LIPA: variants seen among roughly 807,000 people sequenced by gnomAD.
LIPA encodes the protein lipase A, lysosomal acid type, also known as lysosomal acid lipase/cholesteryl ester hydrolase.
Under a neutral mutation model 40.6 loss-of-function variants are expected in LIPA, and 26 were observed. The observed-to-expected ratio is 0.64, with a 90% CI of 0.47 to 0.89. The LOEUF (loss-of-function observed/expected upper bound fraction) is 0.89. Ranked by LOEUF, LIPA falls within the 40% of genes least tolerant of loss-of-function variation. LIPA has a pLI of 0.00. For synonymous variants in LIPA, 188 were observed against 168.4 expected (o/e 1.12, Z -0.90); for missense variants, 455 against 479.6 (o/e 0.95, Z 0.48).
chr10:89,317,200 C>T (rs998043322), intron 1 of LIPA, among the ~76,000 whole-genome samples: 1 of 152,214 alleles, frequency 6.6e-6, no homozygotes, highest in African/African-American at 2.4e-5. Context: ...TGGAACAAAG[C>T]TGGACGGAGA....
chr10:89,348,789 C>T (rs929100396), intron 2 of LIPA, among the ~76,000 whole-genome samples: 7 of 152,176 alleles, frequency 4.6e-5, no homozygotes, highest in African/African-American at 1.7e-4. Context: ...TGAGATTTTC[C>T]TTTATTTCCA....
intron 2 of LIPA, among the ~76,000 whole-genome samples, chr10:89,401,755 G>A (rs1018620387): frequency 2.3e-4 from 34 of 149,606 alleles, no homozygotes; most frequent in African/African-American, 7.2e-4. Context: ...GCAACTTTCC[G>A]TGAATCTGTA....
chr10:89,383,668 G>A, intron 2 of LIPA: 1 of 1,614,244 alleles, frequency 6.2e-7, no homozygotes, highest in Non-Finnish European at 8.5e-7. Flanking sequence ...GACTTACCTG[G>A]ACAAGGTGGA....
intron 1 of LIPA, among the ~76,000 whole-genome samples, chr10:89,333,741 T>C (rs1843686544): frequency 6.6e-6 from 1 of 152,200 alleles, no homozygotes; most frequent in Admixed American, 6.5e-5. Flanking sequence ...AAACTGGTGA[T>C]TGGAAATCAC....
At chr10:89,373,334 C>CAAAAAAAAAA (rs34479360) in intron 2 of LIPA, among the ~76,000 whole-genome samples, 2 of 63,164 alleles carry the variant, frequency 3.2e-5, no homozygotes, top group East Asian at 4.1e-4. Context: ...GACTCCCTCT[C>CAAAAAAAAAA]AAAAAAAAAA....
At chr10:89,339,164 C>T in intron 1 of LIPA, 1 of 1,614,084 alleles carries the variant, frequency 6.2e-7, no homozygotes, top group Non-Finnish European at 8.5e-7. Context: ...CCCAACAACC[C>T]AGAATTCTCC....
At chr10:89,312,903 A>G (rs1046379902) in intron 1 of LIPA, among the ~76,000 whole-genome samples, 5 of 152,070 alleles carry the variant, frequency 3.3e-5, no homozygotes, top group African/African-American at 1.2e-4. Context: ...TGCTTTCTGC[A>G]GGAATGAGAG....
intron 1 of LIPA, among the ~76,000 whole-genome samples, chr10:89,333,510 AG>A (rs1843682439): frequency 6.6e-6 from 1 of 151,386 alleles, no homozygotes; most frequent in African/African-American, 2.4e-5. Flanking sequence ...AAGAGGCAGG[AG>A]GGGGGAGGGG....
chr10:89,391,302 C>T (rs1243886636), intron 2 of LIPA, among the ~76,000 whole-genome samples: 1 of 152,166 alleles, frequency 6.6e-6, no homozygotes, highest in Non-Finnish European at 1.5e-5. Flanking sequence ...CAGCCTCTAC[C>T]TCCTGGGCTC....
chr10:89,296,624 CT>C (rs1384602107), intron 1 of LIPA, among the ~76,000 whole-genome samples: 1 of 151,956 alleles, frequency 6.6e-6, no homozygotes, highest in Non-Finnish European at 1.5e-5. Flanking sequence ...AGGGTGGAGA[CT>C]TTTTAGGAAG....
At chr10:89,334,446 G>A (rs1843697936) in intron 1 of LIPA, among the ~76,000 whole-genome samples, 1 of 137,680 alleles carries the variant, frequency 7.3e-6, no homozygotes, top group African/African-American at 2.7e-5. Context: ...CCTGAACCTA[G>A]CTATTCTGTT....
intron 1 of LIPA, chr10:89,338,425 C>G: frequency 2.1e-6 from 1 of 481,404 alleles, no homozygotes; most frequent in Non-Finnish European, 3.7e-6. Context: ...CTATTAAGGC[C>G]CTCAACAGAA....
chr10:89,395,956 T>C (rs1844337241), intron 2 of LIPA, among the ~76,000 whole-genome samples: 1 of 152,226 alleles, frequency 6.6e-6, no homozygotes, highest in Non-Finnish European at 1.5e-5. Flanking sequence ...ACTTTATGGA[T>C]ATATTACATT....
chr10:89,280,883 T>C (rs922242065), intron 1 of LIPA, among the ~76,000 whole-genome samples: 1 of 152,206 alleles, frequency 6.6e-6, no homozygotes, highest in Admixed American at 6.5e-5. Flanking sequence ...TCTGTTTACC[T>C]CTTTGCATTC....
At chr10:89,385,771 A>G (rs1176577310) in intron 2 of LIPA, among the ~76,000 whole-genome samples, 1 of 152,228 alleles carries the variant, frequency 6.6e-6, no homozygotes, top group Non-Finnish European at 1.5e-5. Context: ...GGCAATCACA[A>G]GGGATCTACG....
chr10:89,413,156 C>T (rs1490054906), intron 1 of LIPA, among the ~76,000 whole-genome samples: 1 of 152,224 alleles, frequency 6.6e-6, no homozygotes, highest in Admixed American at 6.5e-5. Context: ...ACTGGAAATA[C>T]TTGCTCTGTA....
At chr10:89,255,211 T>TTTTGG (rs1333761322), upstream of LIPA, among the ~76,000 whole-genome samples, 6 of 152,132 alleles carry the variant, frequency 3.9e-5, no homozygotes, top group African/African-American at 1.4e-4. Flanking sequence ...AGGTAATTTG[T>TTTTGG]AAAGGAAAGA....
chr10:89,391,749 C>G (rs1301317262), intron 2 of LIPA, among the ~76,000 whole-genome samples: 1 of 152,116 alleles, frequency 6.6e-6, no homozygotes, highest in Non-Finnish European at 1.5e-5. Context: ...ACGATGGTCT[C>G]CATCTCCTGA....
chr10:89,346,077 T>C (rs1412267307), upstream of LIPA, among the ~76,000 whole-genome samples: 1 of 152,208 alleles, frequency 6.6e-6, no homozygotes, highest in Non-Finnish European at 1.5e-5. Context: ...TGGTATTAGG[T>C]TAAGCTCAGA....
Sources: allele counts gnomAD v4.1 joint callset (sites outside exome capture counted in the v4.1 genomes callset), GRCh38; gene constraint gnomAD v4.1.1; transcripts MANE v1.5; gene names NCBI Gene and HGNC (gene_info 2026-07-23, HGNC 2026-07-21).